LYSMD4: variants seen among roughly 807,000 people sequenced by gnomAD.
LYSMD4 encodes the protein LysM domain containing 4.
Under a neutral mutation model 6.1 loss-of-function variants are expected in LYSMD4, and 9 were observed. The observed-to-expected ratio is 1.47, with a 90% CI of 0.88 to 2.56. The LOEUF (loss-of-function observed/expected upper bound fraction) is 2.56, where lower values mean the gene tolerates loss of function less well. LYSMD4 is among the 30% of genes most tolerant of loss of function. The probability of loss-of-function intolerance (pLI) is 0.00; values close to 1 mark genes in which losing one functional copy is unlikely to be tolerated. For missense variants in LYSMD4, 384 were observed against 373.5 expected, an observed-to-expected ratio of 1.03 and a Z score of -0.23; for synonymous variants, 143 against 148.5, an observed-to-expected ratio of 0.96 and a Z score of 0.27.
At chr15:99,718,907 GCGCACACA>G (rs992041479), upstream of LYSMD4, among the ~76,000 whole-genome samples, 4 of 72,230 alleles carry the variant, frequency 5.5e-5, no homozygotes, top group African/African-American at 9.8e-5. Context: ...ATGTAGTTAT[GCGCACACA>G]CACACACACA....
chr15:99,726,728 G>A (rs2059286301), downstream of LYSMD4, among the ~76,000 whole-genome samples: 1 of 152,090 alleles, frequency 6.6e-6, no homozygotes, highest in African/African-American at 2.4e-5. Context: ...CAGCACTATA[G>A]TTCAACCAAA....
chr15:99,728,934 G>T lies in LYSMD4; in HGVS notation c.*189C>A. On this transcript the variant is annotated 3_prime_UTR_variant, in exon 3 of 3. Transcript: ENST00000684762. ...AGGGGCCGAGGTCGCTGCTGTTTTA[G>T]ATCCTGCCAGCTTAGACTGGGTAAG... 1.3e-6 allele frequency: 1 copy of T among 777,656 alleles called. No homozygotes were observed. Among genetic ancestry groups the T allele is most frequent in the Non-Finnish European group, 2.1e-6 (1 of 483,832 alleles). The allele number at this position is 777,656 out of a possible 1,614,324, so 48.2% of individuals were successfully genotyped here.
Position 99,731,887 on chromosome 15 carries a change from G to A in LYSMD4, c.113C>T (p.Ser38Phe). The A allele has an allele frequency of 6.2e-7, 1 of 1,613,556 alleles. No individual in the cohort carries two copies. The highest frequency in any genetic ancestry group is 8.5e-7 in the Non-Finnish European group (1 of 1,180,034). The change falls in exon 2 of 3, where the codon TCT (serine) becomes TTT (phenylalanine). Residue 38 changes from serine to phenylalanine, a missense_variant. Physicochemically the swap from Ser to Phe is radical, Grantham distance 155. Coordinates refer to ENST00000684762, the MANE Select transcript of LYSMD4 (RefSeq NM_001284417.2). Reference sequence around the variant, plus strand: ...CACACGGTGAGACTCTTCTTCAGAAGAGTCCCCCGAGTCCCCACTGCCATT... The same window carrying A: ...CACACGGTGAGACTCTTCTTCAGAAAAGTCCCCCGAGTCCCCACTGCCATT... ...FKNGSGDSGD[S>F]SEEESHRVVL... is the part of the protein sequence containing the mutation.
upstream of LYSMD4, among the ~76,000 whole-genome samples, chr15:99,718,212 T>G (rs925681052): frequency 6.6e-6 from 1 of 152,304 alleles, no homozygotes; most frequent in Middle Eastern, 3.4e-3. Flanking sequence ...CCGCTCGGTG[T>G]GGATGTGTCT....
intron 2 of LYSMD4, chr15:99,731,223 A>G (rs2059401026): frequency 3.1e-6 from 5 of 1,611,350 alleles, no homozygotes; most frequent in Non-Finnish European, 2.5e-6. Context: ...AGAGAAAAAC[A>G]GGGTTATATA....
At chr15:99,731,366 T>C in intron 2 of LYSMD4, 2 of 1,611,876 alleles carry the variant, frequency 1.2e-6, no homozygotes, top group Non-Finnish European at 1.7e-6. Flanking sequence ...ACCATAGAAA[T>C]CCGGAATTAA....
chr15:99,724,638 C>T (rs1310218988), downstream of LYSMD4, among the ~76,000 whole-genome samples: 1 of 152,200 alleles, frequency 6.6e-6, no homozygotes, highest in Admixed American at 6.5e-5. Flanking sequence ...CCCATCACCT[C>T]TTGGTATATA....
At position 99,729,388 on chromosome 15, in the gene LYSMD4, A is replaced by G. The variant is rs2059345883; in HGVS notation, c.626T>C (p.Met209Thr). ...PLLPAPPKTP[M>T]DGADCGIQWW... Reference sequence around the variant, plus strand: ...CTGAATGCCACAATCTGCACCATCCATAGGCGTCTTCGGAGGTGCCGGGAG... The same window carrying G: ...CTGAATGCCACAATCTGCACCATCCGTAGGCGTCTTCGGAGGTGCCGGGAG... Residue 209 changes from methionine (M) to threonine (T), a missense_variant, in exon 3 of 3, where the codon ATG becomes ACG. By Grantham distance (81) the Met-to-Thr change is moderately conservative (BLOSUM62 -1). Coordinates refer to ENST00000684762, the MANE Select transcript of LYSMD4 (RefSeq NM_001284417.2). 2 of 1,614,124 alleles carry G rather than the reference A, an allele frequency of 1.2e-6. No individual in the cohort carries two copies. Among genetic ancestry groups the G allele is most frequent in the Admixed American group, 1.7e-5 (1 of 60,012 alleles).
intron 1 of LYSMD4, 80 bp from the exon 2 acceptor site, chr15:99,732,087 T>G (rs904527135): frequency 4.9e-5 from 69 of 1,396,744 alleles, no homozygotes; most frequent in Non-Finnish European, 6.0e-5. Flanking sequence ...AAGTGTCTTG[T>G]TAGAGAGTAT....
downstream of LYSMD4, among the ~76,000 whole-genome samples, chr15:99,725,893 C>G (rs2059275541): frequency 6.6e-6 from 1 of 152,178 alleles, no homozygotes; most frequent in Non-Finnish European, 1.5e-5. Flanking sequence ...CATTTACCAG[C>G]TGTGTGGTCG....
At chr15:99,732,674 C>G (rs2059447478) in intron 1 of LYSMD4, among the ~76,000 whole-genome samples, 1 of 152,258 alleles carries the variant, frequency 6.6e-6, no homozygotes, top group Non-Finnish European at 1.5e-5. Context: ...CCGCAAGACC[C>G]CTGTTCCTCT....
intron 2 of LYSMD4, among the ~76,000 whole-genome samples, chr15:99,730,015 A>C (rs2059365859): frequency 6.6e-6 from 1 of 152,208 alleles, no homozygotes; most frequent in South Asian, 2.1e-4. Context: ...TCTTTCTTAA[A>C]CTGTTTAAAG....
chr15:99,731,287 T>C, intron 2 of LYSMD4: 4 of 1,600,040 alleles, frequency 2.5e-6, no homozygotes, highest in Non-Finnish European at 2.6e-6. Flanking sequence ...GGTAAAACTT[T>C]ACCAAAAGTC....
chr15:99,723,601 C>T (rs8038364), downstream of LYSMD4, among the ~76,000 whole-genome samples: 4,258 of 152,308 alleles, frequency 0.028, 226 homozygotes, highest in African/African-American at 0.095. Context: ...TGGCTCCCTT[C>T]TGCCTCCTGA....
At chr15:99,720,500 G>A (rs1419723117), upstream of LYSMD4, among the ~76,000 whole-genome samples, 1 of 152,012 alleles carries the variant, frequency 6.6e-6, no homozygotes, top group African/African-American at 2.4e-5. Flanking sequence ...ACTTGTCCCA[G>A]TACCATTTAT....
downstream of LYSMD4, among the ~76,000 whole-genome samples, chr15:99,723,300 A>G (rs1451678150): frequency 1.3e-5 from 2 of 152,188 alleles, no homozygotes; most frequent in African/African-American, 4.8e-5. Flanking sequence ...AATATGAAGA[A>G]AGCCACACCG....
chr15:99,727,445 A>G lies in LYSMD4; in HGVS notation c.*1678T>C, dbSNP rs186043104. On this transcript the variant is annotated 3_prime_UTR_variant, in exon 3 of 3. Coordinates refer to ENST00000684762, the MANE Select transcript of LYSMD4 (RefSeq NM_001284417.2). ...GAAATAATTTTATTCCATTTGAGAAAAGTAAAGGATACATTCTTTGTCTGA... is the reference window on the plus strand; with the variant it reads ...GAAATAATTTTATTCCATTTGAGAAGAGTAAAGGATACATTCTTTGTCTGA... 1 of 152,298 alleles carries G rather than the reference A, an allele frequency of 6.6e-6. No homozygotes were observed. The highest frequency in any genetic ancestry group is 6.5e-5 in the Admixed American group (1 of 15,300). 9.4% of individuals were successfully genotyped at this position (152,298 alleles called of 1,614,324 possible).
At position 99,727,896 on chromosome 15, in the gene LYSMD4, C is replaced by A. The variant is rs2059307722; in HGVS notation, c.*1227G>T. ...CCAGCAGCCATCTCAGCCCCTCCCA[C>A]CCCTCCATGCCACAGGGCAGCACCA... On this transcript the variant is annotated 3_prime_UTR_variant, in exon 3 of 3. Transcript: ENST00000684762. 6.6e-6 allele frequency: 1 copy of A among 152,640 alleles called. No homozygotes were observed. 9.5% of individuals were successfully genotyped at this position (152,640 alleles called of 1,614,324 possible). A position where few individuals can be genotyped will look rare whatever the true frequency, so the allele number is the denominator to read the frequency against.
At chr15:99,727,154 T>C (rs1214589321), downstream of LYSMD4, among the ~76,000 whole-genome samples, 5 of 152,174 alleles carry the variant, frequency 3.3e-5, no homozygotes, top group Admixed American at 2.0e-4. Flanking sequence ...GTGGGCAGAT[T>C]ATCTGAGGTC....
Sources: gnomAD v4.1 joint callset for allele counts (sites outside exome capture counted in the v4.1 genomes callset) on GRCh38, gnomAD v4.1.1 for gene constraint, MANE v1.5 for transcripts, NCBI Gene and HGNC (gene_info 2026-07-23, HGNC 2026-07-21) for gene names.